The following PTCD2 variants were observed in gnomAD, a reference collection of about 807,000 sequenced individuals.
PTCD2 encodes pentatricopeptide repeat-containing protein 2, mitochondrial.
Under a neutral mutation model 42.6 loss-of-function variants are expected in PTCD2, and 31 were observed. That is an observed-to-expected ratio of 0.73 (90% CI 0.55 to 0.98). The LOEUF is 0.98. PTCD2 is among the 50% of genes least tolerant of loss of function. PTCD2 has a pLI of 0.00. For synonymous variants in PTCD2, 183 were observed against 170.9 expected (o/e 1.07, Z -0.55); for missense variants, 476 against 454.8 (o/e 1.05, Z -0.42).
rs768843741 is a variant in PTCD2, at chr5:72,326,705, G to A, written c.314G>A (p.Arg105Gln). 5 of 1,614,094 alleles carry A rather than the reference G, an allele frequency of 3.1e-6. No individual in the cohort carries two copies. The highest frequency in any genetic ancestry group is 2.2e-5 in the East Asian group (1 of 44,880). Residue 105 changes from arginine (R) to glutamine (Q), a missense_variant, in exon 3 of 10, where the codon CGG becomes CAG. By Grantham distance (43) the Arg-to-Gln change is conservative (BLOSUM62 1). Coordinates refer to ENST00000380639, the MANE Select transcript of PTCD2 (RefSeq NM_024754.5). Reference protein sequence around the residue: ...LITLLHLCESRDHVELAKNVI... With the variant: ...LITLLHLCESQDHVELAKNVI... ...ACCTTACTACATTTGTGTGAGTCTCGGGACCATGTGGAACTGGCTAAAAAT... is the reference window on the plus strand; with the variant it reads ...ACCTTACTACATTTGTGTGAGTCTCAGGACCATGTGGAACTGGCTAAAAAT...
chr5:72,342,893 TC>T (rs1287778751), intron 7 of PTCD2, 68 bp from the exon 8 acceptor site: 20 of 962,804 alleles, frequency 2.1e-5, no homozygotes, highest in Non-Finnish European at 3.1e-5. Flanking sequence ...TACTGCCCTC[TC>T]TAAGTGATCT....
rs548378202 is a variant in PTCD2 at position 72,353,320 on chromosome 5, C to T, written c.942+566C>T. ...TTTTGGCTATCATCAGTATCCCCTT[C>T]CCTGTGGGTCATTCTTGTCAGCAAA... On this transcript the variant is annotated intron_variant, in intron 9 of 9. Transcript: ENST00000380639. Among the ~76,000 whole-genome samples, 12 of 152,274 alleles carry T rather than the reference C, an allele frequency of 7.9e-5. No individual in the cohort carries two copies. The East Asian group carries it at 2.3e-3, about 29-fold the overall frequency.
rs529905310 is a variant in PTCD2 at position 72,350,724 on chromosome 5, A to C, written c.829-1917A>C. Among the ~76,000 whole-genome samples, 4 of 152,292 alleles carry C rather than the reference A, an allele frequency of 2.6e-5. No homozygotes were observed. The South Asian group carries it at 8.3e-4, about 32-fold the overall frequency. On this transcript the variant is annotated intron_variant, in intron 8 of 9. Transcript: ENST00000380639. ...ATTCTGTTCTTCCGAACCAAAGACA[A>C]CCCCTCATCCTGATAAGTTACTCAA...
intron 9 of PTCD2, among the ~76,000 whole-genome samples, chr5:72,357,848 T>C (rs555830816): frequency 3.1e-5 from 4 of 127,150 alleles, no homozygotes; most frequent in East Asian, 2.0e-4. Context: ...TATACCATAC[T>C]TTTTTTTTTT....
Position 72,320,391 on chromosome 5 carries a change from A to G in PTCD2, c.9A>G (p.Arg3=), listed in dbSNP as rs960600801. ...CGGTTCCAGTAGTTGGTATGGTCCG[A>G]GACAGTATGGCTGCTGCATTTCGGC... MV[R]DSMAAAFRPS... is the part of the protein sequence containing the mutation. The change falls in exon 1 of 10, where the codon CGA becomes CGG. Residue 3 remains arginine, a synonymous_variant. Transcript: ENST00000380639. 4 of 1,614,002 alleles carry G rather than the reference A, an allele frequency of 2.5e-6. No homozygotes were observed. The highest frequency in any genetic ancestry group is 3.4e-6 in the Non-Finnish European group (4 of 1,180,020).
intron 8 of PTCD2, among the ~76,000 whole-genome samples, chr5:72,343,906 A>C (rs967750925): frequency 6.6e-6 from 1 of 152,146 alleles, no homozygotes; most frequent in African/African-American, 2.4e-5. Flanking sequence ...GTTGCAAAAG[A>C]AAAAAACTTT....
At position 72,358,702 on chromosome 5, in the gene PTCD2, C is replaced by T. The variant is rs1311783954; in HGVS notation, c.*275C>T. The T allele has an allele frequency of 2.2e-6, 1 of 459,324 alleles. No individual in the cohort carries two copies. Among genetic ancestry groups the T allele is most frequent in the Non-Finnish European group, 4.0e-6 (1 of 252,526 alleles). The allele number at this position is 459,324 out of a possible 1,614,324, so 28.5% of individuals were successfully genotyped here. A position where few individuals can be genotyped will look rare whatever the true frequency, so the allele number is the denominator to read the frequency against. Reference sequence around the variant, plus strand: ...GGAACCTGGTCAGTCTCCGGTTCAGCTTCCGACACCAGAGTGGAACCCAGT... The same window carrying T: ...GGAACCTGGTCAGTCTCCGGTTCAGTTTCCGACACCAGAGTGGAACCCAGT... On this transcript the variant is annotated 3_prime_UTR_variant, in exon 10 of 10. Transcript: ENST00000380639.
chr5:72,345,274 C>T (rs1324270397), intron 8 of PTCD2, among the ~76,000 whole-genome samples: 3 of 152,178 alleles, frequency 2.0e-5, no homozygotes, highest in Non-Finnish European at 2.9e-5. Context: ...GGCTGTGTTC[C>T]GCCCAGCTCA....
At chr5:72,329,664 A>G (rs1359123636) in intron 3 of PTCD2, among the ~76,000 whole-genome samples, 1 of 145,032 alleles carries the variant, frequency 6.9e-6, no homozygotes, top group Admixed American at 6.9e-5. Flanking sequence ...AAAGATTTAT[A>G]TGTTGAAGAC....
At chr5:72,321,955 A>G (rs1427369859) in intron 1 of PTCD2, among the ~76,000 whole-genome samples, 1 of 152,158 alleles carries the variant, frequency 6.6e-6, no homozygotes, top group Non-Finnish European at 1.5e-5. Flanking sequence ...TTTCACACAC[A>G]CAAATAAAAC....
At chr5:72,327,568 G>A (rs1235945462) in intron 3 of PTCD2, among the ~76,000 whole-genome samples, 1 of 151,408 alleles carries the variant, frequency 6.6e-6, no homozygotes, top group Non-Finnish European at 1.5e-5. Flanking sequence ...CCACCTCCAG[G>A]TTCAAGCAAT....
intron 2 of PTCD2, among the ~76,000 whole-genome samples, chr5:72,322,828 T>C (rs1431625429): frequency 6.6e-6 from 1 of 152,170 alleles, no homozygotes; most frequent in East Asian, 1.9e-4. Context: ...GGATCAAAAA[T>C]TTCTTAAAAA....
chr5:72,359,170 G>GCC lies in PTCD2; in HGVS notation c.*744_*745dup, dbSNP rs996017671. On this transcript the variant is annotated 3_prime_UTR_variant, in exon 10 of 10. Transcript: ENST00000380639. ...AAGCCATGTGCTTTTCAAAATAAGT[G>GCC]CCACTAAAAACCACATAATGCTTTG... The GCC allele has an allele frequency of 2.6e-5, 4 of 152,060 alleles. No individual in the cohort carries two copies. Among genetic ancestry groups the GCC allele is most frequent in the African/African-American group, 9.7e-5 (4 of 41,382 alleles). The allele number at this position is 152,060 out of a possible 1,614,324, so 9.4% of individuals were successfully genotyped here.
In PTCD2 at chr5:72,367,571, A is replaced by G. The variant is rs1486745355; in HGVS notation, c.*9144A>G. 1 of 152,200 alleles carries G rather than the reference A, an allele frequency of 6.6e-6. No individual in the cohort carries two copies. The highest frequency in any genetic ancestry group is 1.5e-5 in the Non-Finnish European group (1 of 68,028). The allele number at this position is 152,200 out of a possible 1,614,324, so 9.4% of individuals were successfully genotyped here. On this transcript the variant is annotated 3_prime_UTR_variant, in exon 10 of 10. Transcript: ENST00000380639. ...TAGAAAAAATCTTGGGGAAAATCCTATTGTACATATTCCTTACATAATGTC... is the reference window on the plus strand; with the variant it reads ...TAGAAAAAATCTTGGGGAAAATCCTGTTGTACATATTCCTTACATAATGTC...
At chr5:72,344,210 T>C (rs1375287355) in intron 8 of PTCD2, among the ~76,000 whole-genome samples, 1 of 152,130 alleles carries the variant, frequency 6.6e-6, no homozygotes, top group African/African-American at 2.4e-5. Flanking sequence ...GTGGAGCATC[T>C]ATTTAAAAGA....
At chr5:72,349,428 C>T (rs1021580504) in intron 8 of PTCD2, among the ~76,000 whole-genome samples, 4 of 151,974 alleles carry the variant, frequency 2.6e-5, no homozygotes, top group South Asian at 2.1e-4. Context: ...GTTCTGTTAT[C>T]GAAAAAGGAG....
In PTCD2 at chr5:72,341,441, A is replaced by G. The variant is rs572025861; in HGVS notation, c.754-1521A>G. ...GTTCTTTTTTGACTATTCATCATTG[A>G]AAAGTGTAAGTTTCAGGCCTAACAC... On this transcript the variant is annotated intron_variant, in intron 7 of 9. Coordinates refer to ENST00000380639, the MANE Select transcript of PTCD2 (RefSeq NM_024754.5). Among the ~76,000 whole-genome samples, 173 of 152,246 alleles carry G rather than the reference A, an allele frequency of 1.1e-3. 1 individual carries two copies. The highest frequency in any genetic ancestry group is 2.2e-3 in the Non-Finnish European group (150 of 68,022).
intron 7 of PTCD2, among the ~76,000 whole-genome samples, chr5:72,339,513 G>T (rs1406578947): frequency 6.6e-6 from 1 of 152,102 alleles, no homozygotes; most frequent in Non-Finnish European, 1.5e-5. Context: ...CTGCTGGGGG[G>T]AGTCATTGAA....
At chr5:72,340,166 G>A (rs1751981094) in intron 7 of PTCD2, among the ~76,000 whole-genome samples, 1 of 151,962 alleles carries the variant, frequency 6.6e-6, no homozygotes, top group African/African-American at 2.4e-5. Context: ...TGGTATTTTT[G>A]CTCTAGTGGT....
Sources: allele counts gnomAD v4.1 joint callset (sites outside exome capture counted in the v4.1 genomes callset), GRCh38; gene constraint gnomAD v4.1.1; transcripts MANE v1.5; gene names NCBI Gene and HGNC (gene_info 2026-07-23, HGNC 2026-07-21).